Variants in CNTN4 observed in about 807,000 individuals in gnomAD.
The protein encoded by CNTN4 is contactin 4.
CNTN4 carries 77 observed loss-of-function variants against 122.5 expected under a neutral mutation model. The ratio of observed to expected loss-of-function variants is 0.63; its 90% confidence interval spans 0.52 to 0.76. The LOEUF is 0.76. Ranked by LOEUF, CNTN4 falls within the 30% of genes least tolerant of loss-of-function variation. The pLI, the probability that CNTN4 is intolerant of heterozygous loss-of-function variation, is 0.00. For synonymous variants in CNTN4, 512 were observed against 447.0 expected, an observed-to-expected ratio of 1.15 and a Z score of -1.83; for missense variants, 1,256 against 1,259.1, an observed-to-expected ratio of 1.00 and a Z score of 0.04.
At chr3:2,481,033 TTTTCTTTCTTTC>T (rs61026362) in intron 3 of CNTN4, among the ~76,000 whole-genome samples, 6 of 120,078 alleles carry the variant, frequency 5.0e-5, no homozygotes, top group Admixed American at 1.6e-4. Context: ...TTTCTTTTTC[TTTTCTTTCTTTC>T]TTTCTTTCTT....
At chr3:2,708,727 T>TCA (rs10530575) in intron 4 of CNTN4, among the ~76,000 whole-genome samples, 10,092 of 150,776 alleles carry the variant, frequency 0.067, 385 homozygotes, top group Non-Finnish European at 0.082. Context: ...CACGCGCGCA[T>TCA]CACACACACA....
chr3:2,191,055 C>T (rs2037520197), intron 2 of CNTN4, among the ~76,000 whole-genome samples: 1 of 151,952 alleles, frequency 6.6e-6, no homozygotes, highest in Admixed American at 6.6e-5. Context: ...TCTCCTCTAT[C>T]CTCATCTCAA....
chr3:2,215,263 GC>G (rs1344275851), intron 2 of CNTN4, among the ~76,000 whole-genome samples: 5 of 152,038 alleles, frequency 3.3e-5, no homozygotes, highest in African/African-American at 2.4e-5. Context: ...AATATCCTTG[GC>G]TGCTGGCCTG....
chr3:2,855,501 A>G (rs1268045044), intron 7 of CNTN4, among the ~76,000 whole-genome samples: 2 of 152,244 alleles, frequency 1.3e-5, no homozygotes, highest in Non-Finnish European at 2.9e-5. Context: ...GTAAAGAAGT[A>G]GGAAAGTTGT....
chr3:2,869,710 G>T (rs780243416), intron 8 of CNTN4, among the ~76,000 whole-genome samples: 6 of 152,194 alleles, frequency 3.9e-5, no homozygotes, highest in Non-Finnish European at 8.8e-5. Flanking sequence ...ATCAAGGAAA[G>T]ATCAGCGTTT....
At chr3:2,867,028 A>C (rs536722862) in intron 8 of CNTN4, 79 bp downstream of exon 8, 8 of 1,273,528 alleles carry the variant, frequency 6.3e-6, no homozygotes, top group Admixed American at 1.8e-5. Flanking sequence ...TTGTTGGCAC[A>C]TGAAGCTTTG....
chr3:2,178,641 G>T (rs776436770), intron 2 of CNTN4, among the ~76,000 whole-genome samples: 1 of 152,060 alleles, frequency 6.6e-6, no homozygotes, highest in African/African-American at 2.4e-5. Flanking sequence ...ACTTAATGCA[G>T]TTCTAGACTG....
At chr3:2,629,153 A>T (rs754965905) in intron 4 of CNTN4, among the ~76,000 whole-genome samples, 1 of 152,178 alleles carries the variant, frequency 6.6e-6, no homozygotes, top group Non-Finnish European at 1.5e-5. Flanking sequence ...CACCAATCCA[A>T]CAGGATTGCC....
At position 2,622,196 on chromosome 3, in the gene CNTN4, G is replaced by T. The variant is rs141022989; in HGVS notation, c.55+50638G>T. Among the ~76,000 whole-genome samples the T allele has an allele frequency of 2.2e-3, 332 of 152,250 alleles. 2 individuals carry two copies. The highest frequency in any genetic ancestry group is 7.4e-3 in the African/African-American group (306 of 41,556). On this transcript the variant is annotated intron_variant, in intron 4 of 24. Coordinates refer to ENST00000418658, the MANE Select transcript of CNTN4 (RefSeq NM_175607.3). ...CCTGTACTCACTATGGCAGTAGGAG[G>T]AGATTTAATATTTATTACCTTTTGG... is the stretch of plus-strand genomic sequence containing the variant.
At chr3:2,167,114 A>C (rs1191156648) in intron 2 of CNTN4, among the ~76,000 whole-genome samples, 2 of 152,204 alleles carry the variant, frequency 1.3e-5, no homozygotes, top group Non-Finnish European at 2.9e-5. Context: ...AGGTAAATTA[A>C]ATCTTAAATT....
At chr3:2,203,308 C>A (rs939301594) in intron 2 of CNTN4, among the ~76,000 whole-genome samples, 2 of 152,082 alleles carry the variant, frequency 1.3e-5, no homozygotes, top group Non-Finnish European at 2.9e-5. Context: ...CCTACCATTT[C>A]ACTGATGCAC....
chr3:2,124,538 G>A (rs938784005), intron 2 of CNTN4, among the ~76,000 whole-genome samples: 2 of 151,684 alleles, frequency 1.3e-5, no homozygotes, highest in Non-Finnish European at 2.9e-5. Flanking sequence ...GAGGCGGGAG[G>A]ACCACTTGAG....
At chr3:2,484,961 C>T (rs933095869) in intron 3 of CNTN4, among the ~76,000 whole-genome samples, 8 of 152,198 alleles carry the variant, frequency 5.3e-5, no homozygotes, top group East Asian at 3.9e-4. Flanking sequence ...CCGGCCAGCG[C>T]GAGTTCCAGG....
intron 2 of CNTN4, among the ~76,000 whole-genome samples, chr3:2,193,895 G>A (rs1028841818): frequency 1.3e-5 from 2 of 152,150 alleles, no homozygotes; most frequent in Non-Finnish European, 2.9e-5. Context: ...ATCCCATCTA[G>A]CCTAGGTGTG....
intron 3 of CNTN4, among the ~76,000 whole-genome samples, chr3:2,408,777 A>T (rs1437451573): frequency 1.3e-5 from 2 of 152,202 alleles, no homozygotes; most frequent in African/African-American, 2.4e-5. Flanking sequence ...TGGTGTTAGT[A>T]GATGTCAGTG....
chr3:2,470,233 C>T (rs1209653336), intron 3 of CNTN4, among the ~76,000 whole-genome samples: 5 of 152,070 alleles, frequency 3.3e-5, no homozygotes, highest in Non-Finnish European at 4.4e-5. Context: ...CATGCCACCA[C>T]GCCTGGCTAA....
intron 20 of CNTN4, chr3:3,041,007 C>T (rs1015009705): frequency 1.5e-4 from 23 of 152,418 alleles, no homozygotes; most frequent in African/African-American, 5.5e-4. Flanking sequence ...TCATCCACAC[C>T]ATCATTATGT....
intron 2 of CNTN4, among the ~76,000 whole-genome samples, chr3:2,214,378 G>C (rs1275714992): frequency 1.3e-5 from 2 of 152,078 alleles, no homozygotes; most frequent in African/African-American, 4.8e-5. Context: ...ATGTCTTCAT[G>C]GTAGTCATCC....
intron 2 of CNTN4, among the ~76,000 whole-genome samples, chr3:2,185,067 T>C (rs1293375804): frequency 6.6e-6 from 1 of 152,188 alleles, no homozygotes; most frequent in African/African-American, 2.4e-5. Context: ...TTATCTTCAG[T>C]GTCCACACCA....
Sources: gnomAD v4.1 joint callset for allele counts (sites outside exome capture counted in the v4.1 genomes callset) on GRCh38, gnomAD v4.1.1 for gene constraint, MANE v1.5 for transcripts, NCBI Gene and HGNC (gene_info 2026-07-23, HGNC 2026-07-21) for gene names.